The following PDILT variants were observed in gnomAD, a reference collection of about 807,000 sequenced individuals.
PDILT encodes the protein protein disulfide-isomerase-like protein of the testis.
A neutral mutation model predicts 53.7 loss-of-function variants in PDILT; 43 were observed. The observed-to-expected ratio is 0.80, with a 90% confidence interval of 0.63 to 1.03. The LOEUF (loss-of-function observed/expected upper bound fraction) is 1.03. Among genes scored for constraint, PDILT ranks in the 50% least tolerant of loss-of-function variants. The probability of loss-of-function intolerance (pLI) is 0.00; values close to 1 mark genes in which losing one functional copy is unlikely to be tolerated. For missense variants in PDILT, 727 were observed against 712.3 expected (o/e 1.02, Z -0.24); for synonymous variants, 282 against 274.2 (o/e 1.03, Z -0.28).
At chr16:20,392,279 GC>G (rs904423190) in intron 2 of PDILT, among the ~76,000 whole-genome samples, 7 of 152,196 alleles carry the variant, frequency 4.6e-5, no homozygotes, top group African/African-American at 1.7e-4. Context: ...GACATAAGGA[GC>G]AGCAGATTGT....
At chr16:20,374,036 C>T (rs985229822) in intron 5 of PDILT, among the ~76,000 whole-genome samples, 2 of 152,036 alleles carry the variant, frequency 1.3e-5, no homozygotes, top group Non-Finnish European at 2.9e-5. Flanking sequence ...CAGCCTCAAC[C>T]TCCCAGATTC....
intron 10 of PDILT, among the ~76,000 whole-genome samples, chr16:20,361,907 T>C (rs1357091634): frequency 6.6e-6 from 1 of 152,210 alleles, no homozygotes; most frequent in Admixed American, 6.5e-5. Context: ...CTTTGACTGA[T>C]GCTCTTTCCC....
At chr16:20,374,112 T>C (rs1187068238) in intron 5 of PDILT, among the ~76,000 whole-genome samples, 2 of 129,250 alleles carry the variant, frequency 1.5e-5, no homozygotes, top group East Asian at 4.1e-4. Flanking sequence ...CTTGAATAAC[T>C]TTTTTTTTTT....
chr16:20,364,447 G>C (rs904720215), intron 9 of PDILT, among the ~76,000 whole-genome samples: 4 of 152,186 alleles, frequency 2.6e-5, no homozygotes, highest in Non-Finnish European at 5.9e-5. Context: ...GTGTGACCTA[G>C]GGTAAGATCA....
chr16:20,392,580 A>C (rs1966618223), intron 2 of PDILT, among the ~76,000 whole-genome samples: 1 of 152,228 alleles, frequency 6.6e-6, no homozygotes, highest in African/African-American at 2.4e-5. Context: ...AGGCCACTTT[A>C]GAAGGCCGGC....
chr16:20,397,123 G>A (rs905614728), intron 2 of PDILT, among the ~76,000 whole-genome samples: 8 of 152,104 alleles, frequency 5.3e-5, no homozygotes, highest in Non-Finnish European at 1.0e-4. Flanking sequence ...TAAATTTTAT[G>A]TATGTACATA....
chr16:20,388,938 G>A (rs548844251), intron 2 of PDILT: 3 of 152,040 alleles, frequency 2.0e-5, no homozygotes, highest in Admixed American at 6.6e-5. Flanking sequence ...TTGCAAATTG[G>A]TTTTCCTTCT....
At chr16:20,393,231 G>A (rs1966626658) in intron 2 of PDILT, among the ~76,000 whole-genome samples, 1 of 152,160 alleles carries the variant, frequency 6.6e-6, no homozygotes, top group South Asian at 2.1e-4. Flanking sequence ...GGGATGTGCA[G>A]AACTAGCTGG....
intron 1 of PDILT, among the ~76,000 whole-genome samples, chr16:20,400,064 ATATATATATT>A (rs1966715147): frequency 8.0e-6 from 1 of 124,508 alleles, no homozygotes; most frequent in South Asian, 2.6e-4. Context: ...CTATATATAT[ATATATATATT>A]TTTTGAGACG....
At chr16:20,382,749 C>T (rs933432021) in intron 3 of PDILT, among the ~76,000 whole-genome samples, 2 of 151,902 alleles carry the variant, frequency 1.3e-5, no homozygotes, top group Non-Finnish European at 2.9e-5. Context: ...TAGATCTTTT[C>T]ACCATCCCCA....
At chr16:20,365,690 G>A in intron 8 of PDILT, 150 bp from the exon 9 acceptor site, 2 of 1,024,178 alleles carry the variant, frequency 2.0e-6, no homozygotes, top group South Asian at 3.3e-5. Context: ...GATGGATCAT[G>A]AGCTTGATGT....
intron 8 of PDILT, among the ~76,000 whole-genome samples, chr16:20,367,040 TTTC>T (rs1323705541): frequency 6.5e-5 from 2 of 30,684 alleles, no homozygotes; most frequent in African/African-American, 2.6e-4. Context: ...TCTTTCTTTC[TTTC>T]TTTCTTTCTT....
chr16:20,396,201 C>CT (rs1966660992), intron 2 of PDILT, among the ~76,000 whole-genome samples: 1 of 152,158 alleles, frequency 6.6e-6, no homozygotes, highest in Non-Finnish European at 1.5e-5. Flanking sequence ...TCAATATTCT[C>CT]GCTTTACAGG....
In PDILT at chr16:20,359,196, C is replaced by A; in HGVS notation, c.*123G>T. On this transcript the variant is annotated 3_prime_UTR_variant, in exon 12 of 12. Transcript: ENST00000302451. ...CAAGGACACTCAGAGGCTTTATTAT[C>A]CACCCCTACCCCCGCCCCACCTACC... is the stretch of plus-strand genomic sequence containing the variant. The A allele has an allele frequency of 4.2e-6, 6 of 1,442,406 alleles. No individual in the cohort carries two copies. The highest frequency in any genetic ancestry group is 2.2e-5 in the Admixed American group (1 of 45,284). The allele number at this position is 1,442,406 out of a possible 1,614,324, so 89.4% of individuals were successfully genotyped here. A position where few individuals can be genotyped will look rare whatever the true frequency, so the allele number is the denominator to read the frequency against.
chr16:20,368,996 A>G (rs865790925), intron 8 of PDILT, among the ~76,000 whole-genome samples: 3 of 152,168 alleles, frequency 2.0e-5, no homozygotes, highest in Admixed American at 6.5e-5. Flanking sequence ...TACGTGTTCC[A>G]TGTGTTTCTG....
rs528059448 is a variant in PDILT at position 20,367,024 on chromosome 16, C to CTTCTTTCTTTCT, written c.1117-1496_1117-1485dup. On this transcript the variant is annotated intron_variant, in intron 8 of 11. Coordinates refer to ENST00000302451, the MANE Select transcript of PDILT (RefSeq NM_174924.2). ...TCTTTATTTATTTCTCTCTCTCTTTCTTCTTTCTTTCTTTCTTTCTTTCTT... is the reference window on the plus strand; with the variant it reads ...TCTTTATTTATTTCTCTCTCTCTTTCTTCTTTCTTTCTTTCTTTCTTTCTTTCTTTCTTTCTT... Among the ~76,000 whole-genome samples the CTTCTTTCTTTCT allele has an allele frequency of 1.0e-3, 79 of 76,178 alleles. 1 individual carries two copies. Among genetic ancestry groups the CTTCTTTCTTTCT allele is most frequent in the East Asian group, 5.5e-3 (12 of 2,172 alleles). The allele number at this position is 76,178 out of a possible 152,430, so 50.0% of individuals were successfully genotyped here.
At chr16:20,376,020 G>A (rs1966380559) in intron 4 of PDILT, 48 bp downstream of exon 4, 1 of 1,608,164 alleles carries the variant, frequency 6.2e-7, no homozygotes, top group Admixed American at 1.7e-5. Context: ...CCCAGACACA[G>A]CACTTCTCAT....
At chr16:20,391,484 G>A (rs1966606587) in intron 2 of PDILT, among the ~76,000 whole-genome samples, 1 of 152,118 alleles carries the variant, frequency 6.6e-6, no homozygotes, top group South Asian at 2.1e-4. Context: ...AGTGATAAAG[G>A]ACCCTAGACA....
intron 3 of PDILT, 128 bp from the exon 4 acceptor site, chr16:20,376,329 G>C (rs1472605785): frequency 9.2e-7 from 1 of 1,089,538 alleles, no homozygotes; most frequent in Non-Finnish European, 1.3e-6. Context: ...GAAGGCCAAA[G>C]TCAGTTCCTC....
Sources: allele counts gnomAD v4.1 joint callset (sites outside exome capture counted in the v4.1 genomes callset), GRCh38; gene constraint gnomAD v4.1.1; transcripts MANE v1.5; gene names NCBI Gene and HGNC (gene_info 2026-07-23, HGNC 2026-07-21).